CMBL: variants seen among roughly 807,000 people sequenced by gnomAD.
The protein encoded by CMBL is carboxymethylenebutenolidase homolog (Pseudomonas).
CMBL carries 17 observed loss-of-function variants against 28.7 expected under a neutral mutation model. The ratio of observed to expected loss-of-function variants is 0.59; its 90% confidence interval spans 0.41 to 0.89. CMBL has a LOEUF of 0.89. Among genes scored for constraint, CMBL ranks in the 40% least tolerant of loss-of-function variants. The pLI is 0.00. For missense variants in CMBL, 310 were observed against 298.5 expected (o/e 1.04, Z -0.28); for synonymous variants, 106 against 101.6 (o/e 1.04, Z -0.26).
chr5:10,283,134 T>G (rs1005954512), intron 4 of CMBL, among the ~76,000 whole-genome samples: 3 of 150,598 alleles, frequency 2.0e-5, no homozygotes, highest in African/African-American at 7.3e-5. Context: ...CAAGAGAAAT[T>G]TATTTAGTCA....
intron 1 of CMBL, among the ~76,000 whole-genome samples, chr5:10,297,619 A>C (rs1329151010): frequency 6.6e-6 from 1 of 151,984 alleles, no homozygotes; most frequent in Non-Finnish European, 1.5e-5. Context: ...GATGGAGGGA[A>C]GACACAGGGA....
At chr5:10,302,552 G>A (rs1020742288) in intron 1 of CMBL, among the ~76,000 whole-genome samples, 2 of 151,432 alleles carry the variant, frequency 1.3e-5, no homozygotes, top group Non-Finnish European at 2.9e-5. Context: ...GGGCGGCTGA[G>A]GCAGGAGAAT....
At chr5:10,307,060 T>C (rs114082361) in intron 1 of CMBL, 42 of 152,322 alleles carry the variant, frequency 2.8e-4, no homozygotes, top group African/African-American at 1.0e-3. Context: ...GTGTAAACTG[T>C]CCAGTCGTTC....
chr5:10,291,130 C>T (rs904241814), intron 1 of CMBL, among the ~76,000 whole-genome samples: 1 of 152,204 alleles, frequency 6.6e-6, no homozygotes, highest in Non-Finnish European at 1.5e-5. Context: ...GGACAGGACC[C>T]GACTCAGGAG....
At chr5:10,286,300 C>G in intron 4 of CMBL, 54 bp downstream of exon 4, 1 of 1,549,478 alleles carries the variant, frequency 6.5e-7, no homozygotes, top group Non-Finnish European at 8.8e-7. Context: ...TGATTGTTGT[C>G]ACTCTTCCAC....
chr5:10,293,608 A>C (rs889247049), intron 1 of CMBL, among the ~76,000 whole-genome samples: 2 of 152,268 alleles, frequency 1.3e-5, no homozygotes, highest in African/African-American at 4.8e-5. Flanking sequence ...AAAATGAAGA[A>C]GGAGAAATTA....
At chr5:10,288,216 G>A (rs535185755) in intron 3 of CMBL, among the ~76,000 whole-genome samples, 4 of 152,122 alleles carry the variant, frequency 2.6e-5, no homozygotes, top group South Asian at 2.1e-4. Flanking sequence ...GCAGTGAGCC[G>A]AGATCATGCC....
chr5:10,296,777 T>C (rs902915218), intron 1 of CMBL, among the ~76,000 whole-genome samples: 5 of 152,146 alleles, frequency 3.3e-5, no homozygotes, highest in Admixed American at 6.5e-5. Flanking sequence ...GGGAGAACAA[T>C]GAATGCTGAG....
intron 1 of CMBL, among the ~76,000 whole-genome samples, chr5:10,297,955 G>A (rs1037993630): frequency 1.4e-4 from 21 of 152,134 alleles, no homozygotes; most frequent in Non-Finnish European, 7.3e-5. Context: ...GGTGAGAGGC[G>A]GGACGAGGGC....
chr5:10,286,179 T>A (rs1359448465), intron 4 of CMBL, 175 bp downstream of exon 4: 5 of 613,574 alleles, frequency 8.1e-6, no homozygotes, highest in Non-Finnish European at 1.3e-5. Flanking sequence ...ATCCTCTGGT[T>A]AACTGCATGA....
At chr5:10,282,117 G>C (rs1038811503) in intron 5 of CMBL, 80 bp downstream of exon 5, 12 of 971,044 alleles carry the variant, frequency 1.2e-5, no homozygotes, top group Non-Finnish European at 2.0e-5. Context: ...CCGAGATCGC[G>C]CCACTGCATT....
At chr5:10,286,136 C>A in intron 4 of CMBL, 1 of 449,950 alleles carries the variant, frequency 2.2e-6, no homozygotes, top group Non-Finnish European at 3.9e-6. Flanking sequence ...AAAGTCACAC[C>A]ACTGGGACCC....
chr5:10,299,571 G>A (rs1290446057), intron 1 of CMBL, among the ~76,000 whole-genome samples: 1 of 151,956 alleles, frequency 6.6e-6, no homozygotes, highest in Non-Finnish European at 1.5e-5. Flanking sequence ...GGACATGGTG[G>A]CTCATGCCTG....
At chr5:10,297,358 T>A (rs142064738) in intron 1 of CMBL, among the ~76,000 whole-genome samples, 10,656 of 150,520 alleles carry the variant, frequency 0.071, 406 homozygotes, top group African/African-American at 0.092. Flanking sequence ...TCACTTGAGG[T>A]CAGGAGTTCG....
chr5:10,280,708 T>G (rs1013708962), intron 5 of CMBL, 76 bp from the exon 6 acceptor site: 1 of 1,244,410 alleles, frequency 8.0e-7, no homozygotes, highest in African/African-American at 1.5e-5. Flanking sequence ...TGAGCGTTCA[T>G]AACAGAAATT....
intron 2 of CMBL, among the ~76,000 whole-genome samples, chr5:10,288,795 C>T (rs751736041): frequency 6.6e-6 from 1 of 152,178 alleles, no homozygotes; most frequent in Non-Finnish European, 1.5e-5. Context: ...AGGGCACACT[C>T]CCATGGGATA....
chr5:10,296,350 G>A (rs976088775), intron 1 of CMBL, among the ~76,000 whole-genome samples: 1 of 152,068 alleles, frequency 6.6e-6, no homozygotes, highest in Non-Finnish European at 1.5e-5. Context: ...GCACAATCTC[G>A]GCTCACTACA....
At chr5:10,303,979 C>G (rs749664695) in intron 1 of CMBL, among the ~76,000 whole-genome samples, 1 of 152,182 alleles carries the variant, frequency 6.6e-6, no homozygotes, top group Non-Finnish European at 1.5e-5. Flanking sequence ...AAATACCACC[C>G]TTGGATCATG....
At chr5:10,305,558 G>A (rs952972014) in intron 1 of CMBL, among the ~76,000 whole-genome samples, 1 of 151,906 alleles carries the variant, frequency 6.6e-6, no homozygotes, top group African/African-American at 2.4e-5. Context: ...TCACTGTTGA[G>A]TGTTTTTTGT....
Sources: gnomAD v4.1 joint callset for allele counts (sites outside exome capture counted in the v4.1 genomes callset) on GRCh38, gnomAD v4.1.1 for gene constraint, MANE v1.5 for transcripts, NCBI Gene and HGNC (gene_info 2026-07-23, HGNC 2026-07-21) for gene names.